Variants in SNTG2 observed in about 807,000 individuals in gnomAD.
SNTG2 encodes the protein syntrophin gamma 2, also known as gamma-2-syntrophin.
A neutral mutation model predicts 70.9 loss-of-function variants in SNTG2; 74 were observed. That is an observed-to-expected ratio of 1.04 (90% CI 0.86 to 1.27). The LOEUF (loss-of-function observed/expected upper bound fraction) is 1.27, where lower values mean the gene tolerates loss of function less well. SNTG2 is among the 50% of genes most tolerant of loss of function. The pLI, the probability that SNTG2 is intolerant of heterozygous loss-of-function variation, is 0.00. For synonymous variants in SNTG2, 278 were observed against 273.8 expected, an observed-to-expected ratio of 1.02 and a Z score of -0.15; for missense variants, 717 against 690.7, an observed-to-expected ratio of 1.04 and a Z score of -0.43.
At chr2:1,232,902 C>G (rs1380141987) in intron 9 of SNTG2, among the ~76,000 whole-genome samples, 2 of 152,144 alleles carry the variant, frequency 1.3e-5, no homozygotes. Flanking sequence ...CACATGCACA[C>G]TCTCCTTATT....
chr2:1,225,867 G>A (rs1675740949), intron 9 of SNTG2, among the ~76,000 whole-genome samples: 1 of 152,192 alleles, frequency 6.6e-6, no homozygotes, highest in Non-Finnish European at 1.5e-5. Context: ...CACGGTGTGT[G>A]CAGCTTAGCA....
At chr2:972,651 T>C (rs1017501022) in intron 1 of SNTG2, among the ~76,000 whole-genome samples, 7 of 152,148 alleles carry the variant, frequency 4.6e-5, no homozygotes, top group African/African-American at 1.7e-4. Context: ...TGTGGATTTC[T>C]CATGGATGGT....
chr2:1,169,673 A>G (rs1572632956), intron 7 of SNTG2, among the ~76,000 whole-genome samples: 1 of 152,274 alleles, frequency 6.6e-6, no homozygotes, highest in South Asian at 2.1e-4. Flanking sequence ...TCCGGGGTCC[A>G]TTGCCAGTCA....
chr2:1,253,045 A>G (rs1677854781), intron 12 of SNTG2, among the ~76,000 whole-genome samples: 1 of 152,214 alleles, frequency 6.6e-6, no homozygotes, highest in Admixed American at 6.5e-5. Context: ...AATGTATTTT[A>G]TCCTGACATA....
intron 9 of SNTG2, among the ~76,000 whole-genome samples, chr2:1,230,291 T>A (rs1676125425): frequency 6.6e-6 from 1 of 152,188 alleles, no homozygotes; most frequent in African/African-American, 2.4e-5. Context: ...AGACACAATT[T>A]TATAAACAGA....
intron 2 of SNTG2, among the ~76,000 whole-genome samples, chr2:1,093,227 T>C (rs1665152184): frequency 6.6e-6 from 1 of 152,150 alleles, no homozygotes; most frequent in Non-Finnish European, 1.5e-5. Context: ...TTAAGGGGTA[T>C]GTACTGGGAG....
intron 1 of SNTG2, among the ~76,000 whole-genome samples, chr2:1,034,461 T>C (rs183265371): frequency 2.5e-4 from 38 of 152,342 alleles, no homozygotes; most frequent in Middle Eastern, 6.8e-3. Flanking sequence ...TATATTTCTT[T>C]GGGTATATAC....
intron 1 of SNTG2, among the ~76,000 whole-genome samples, chr2:981,230 C>T (rs1191656363): frequency 1.3e-5 from 2 of 152,316 alleles, no homozygotes; most frequent in South Asian, 2.1e-4. Flanking sequence ...GCTGCCTGTT[C>T]TCCTCAAGGC....
intron 8 of SNTG2, among the ~76,000 whole-genome samples, chr2:1,188,766 C>T (rs937437455): frequency 3.9e-5 from 6 of 152,112 alleles, no homozygotes; most frequent in African/African-American, 1.4e-4. Flanking sequence ...TGAAAAGTCA[C>T]ACAAAATCTT....
intron 4 of SNTG2, among the ~76,000 whole-genome samples, chr2:1,099,337 G>A (rs1665610308): frequency 6.6e-6 from 1 of 152,172 alleles, no homozygotes; most frequent in Admixed American, 6.5e-5. Context: ...CCTCACACCG[G>A]AAAGCACAGC....
intron 6 of SNTG2, 145 bp downstream of exon 6, chr2:1,137,954 AC>A (rs1240674138): frequency 7.0e-6 from 6 of 858,212 alleles, no homozygotes; most frequent in Admixed American, 2.3e-5. Flanking sequence ...AAATCATGTT[AC>A]AAAAGGACCT....
chr2:1,018,579 C>T (rs945167188), intron 1 of SNTG2, among the ~76,000 whole-genome samples: 1 of 152,006 alleles, frequency 6.6e-6, no homozygotes, highest in Non-Finnish European at 1.5e-5. Flanking sequence ...GGAGAAACAT[C>T]AGTGAGAAAG....
At position 950,853 on chromosome 2, in the gene SNTG2, C is replaced by T. The variant is rs1659924496; in HGVS notation, c.-144C>T. 7.7e-6 allele frequency: 2 copies of T among 259,636 alleles called. No homozygotes were observed. Among genetic ancestry groups the T allele is most frequent in the Admixed American group, 5.6e-5 (1 of 17,828 alleles). 16.1% of individuals were successfully genotyped at this position (259,636 alleles called of 1,614,324 possible). A position where few individuals can be genotyped will look rare whatever the true frequency, so the allele number is the denominator to read the frequency against. The stretch of plus-strand genomic sequence containing the variant: ...CGGGCGGAGCTCCGGTTCCCCAGCC[C>T]TGCGCCCCGGTGGAGCCCGAGCCGG... On this transcript the variant is annotated 5_prime_UTR_variant, in exon 1 of 17. Coordinates refer to ENST00000308624, the MANE Select transcript of SNTG2 (RefSeq NM_018968.4).
At chr2:1,364,664 G>T (rs963008201) in intron 16 of SNTG2, among the ~76,000 whole-genome samples, 1 of 151,204 alleles carries the variant, frequency 6.6e-6, no homozygotes, top group African/African-American at 2.4e-5. Flanking sequence ...AGGCCGAGAT[G>T]GGCGGATCAC....
At chr2:1,163,808 G>A (rs1453874080) in intron 6 of SNTG2, 1 of 152,424 alleles carries the variant, frequency 6.6e-6, no homozygotes, top group African/African-American at 2.4e-5. Context: ...GCATGGCCGG[G>A]GTGGGGTGGC....
intron 8 of SNTG2, among the ~76,000 whole-genome samples, chr2:1,192,581 G>A (rs1672662459): frequency 6.6e-6 from 1 of 151,936 alleles, no homozygotes; most frequent in African/African-American, 2.4e-5. Flanking sequence ...ATTAAAGCAA[G>A]GCTCCATCTC....
chr2:1,351,407 G>A (rs775824191), intron 16 of SNTG2, among the ~76,000 whole-genome samples: 5 of 152,108 alleles, frequency 3.3e-5, no homozygotes, highest in Non-Finnish European at 7.3e-5. Context: ...AAGGGGAAAC[G>A]GTGGTTTAAA....
intron 1 of SNTG2, among the ~76,000 whole-genome samples, chr2:954,624 G>A (rs1056892443): frequency 1.3e-5 from 2 of 152,160 alleles, no homozygotes; most frequent in African/African-American, 4.8e-5. Flanking sequence ...TCAGGAAGCC[G>A]AGGTTATCCT....
intron 13 of SNTG2, among the ~76,000 whole-genome samples, chr2:1,266,412 G>A (rs903839340): frequency 2.6e-5 from 4 of 152,200 alleles, no homozygotes; most frequent in Admixed American, 6.5e-5. Flanking sequence ...CATCCGAATC[G>A]CCGAGTGATT....
Sources: gnomAD v4.1 joint callset for allele counts (sites outside exome capture counted in the v4.1 genomes callset) on GRCh38, gnomAD v4.1.1 for gene constraint, MANE v1.5 for transcripts, NCBI Gene and HGNC (gene_info 2026-07-23, HGNC 2026-07-21) for gene names.